Variants in PDE6A observed in about 807,000 individuals in gnomAD.
The protein encoded by PDE6A is rod cGMP-specific 3',5'-cyclic phosphodiesterase subunit alpha.
PDE6A carries 84 observed loss-of-function variants against 106.3 expected under a neutral mutation model. The ratio of observed to expected loss-of-function variants is 0.79; its 90% CI spans 0.66 to 0.95. The LOEUF (loss-of-function observed/expected upper bound fraction) is 0.95, where lower values mean the gene tolerates loss of function less well. Ranked by LOEUF, PDE6A falls within the 40% of genes least tolerant of loss-of-function variation. The probability of loss-of-function intolerance (pLI) is 0.00; values close to 1 mark genes in which losing one functional copy is unlikely to be tolerated. For synonymous variants in PDE6A, 394 were observed against 386.6 expected (o/e 1.02, Z -0.23); for missense variants, 1,052 against 1,084.9 (o/e 0.97, Z 0.43).
At chr5:149,878,426 G>A (rs1356430542) in intron 17 of PDE6A, among the ~76,000 whole-genome samples, 2 of 152,072 alleles carry the variant, frequency 1.3e-5, no homozygotes, top group Non-Finnish European at 2.9e-5. Context: ...CCATTGCTAG[G>A]TATTTCGATT....
chr5:149,860,929 C>G lies in PDE6A; in HGVS notation c.2549G>C (p.Gly850Ala). The G allele has an allele frequency of 6.2e-7, 1 of 1,614,064 alleles. No individual in the cohort carries two copies. Among genetic ancestry groups the G allele is most frequent in the Non-Finnish European group, 8.5e-7 (1 of 1,179,940 alleles). The change falls in exon 22 of 22, where the codon GGT (glycine) becomes GCT (alanine). Residue 850 changes from glycine (G) to alanine (A), a missense_variant. Physicochemically the swap from Gly to Ala is moderately conservative, Grantham distance 60. This residue lies in a region of PDE6A where 135 missense variants were observed against 153.2 expected (regional missense o/e 0.88). Coordinates refer to ENST00000255266, the MANE Select transcript of PDE6A (RefSeq NM_000440.3). ...GCAGCAGGACTTGGATGTAGTTGCA[C>G]CCCCTGGGCTGGGGTTTCCCCCCGG... ...NQPGGNPSPG[G>A]ATTSKSCCIQ
In PDE6A at chr5:149,863,462, G is replaced by A. The variant is rs569021800; in HGVS notation, c.2359-196C>T. ...CACCTGCTTAGAAGCCTCCTGTGGC[G>A]CCCCTGTCCTTCAGCATGAAGTGAA... is the stretch of plus-strand genomic sequence containing the variant. On this transcript the variant is annotated intron_variant, in intron 20 of 21. Coordinates refer to ENST00000255266, the MANE Select transcript of PDE6A (RefSeq NM_000440.3). This position sits in a 1 kb window ranked among gnomAD's most constrained non-coding sequence, Gnocchi z 4.7. Among the ~76,000 whole-genome samples the A allele has an allele frequency of 5.9e-5, 9 of 152,110 alleles. No individual in the cohort carries two copies. Among genetic ancestry groups the A allele is most frequent in the South Asian group, 4.1e-4 (2 of 4,826 alleles).
chr5:149,866,306 C>G, intron 19 of PDE6A, 53 bp from the exon 20 acceptor site: 3 of 1,251,278 alleles, frequency 2.4e-6, no homozygotes. Flanking sequence ...GAAACCTACC[C>G]TATCTATGAA....
intron 3 of PDE6A, chr5:149,932,135 G>A: frequency 5.6e-6 from 7 of 1,241,764 alleles, no homozygotes; most frequent in Non-Finnish European, 8.3e-6. Flanking sequence ...TATTTAGTTT[G>A]ATTATCTGTC....
Position 149,893,224 on chromosome 5 carries a change from G to A in PDE6A, c.1728+1959C>T, listed in dbSNP as rs561123795. The stretch of plus-strand genomic sequence containing the variant: ...ACTGCTCTTGAACTCCATTGGACGC[G>A]ACCATACCAAGTTCTTCTCTACCGC... On this transcript the variant is annotated intron_variant, in intron 13 of 21. Transcript: ENST00000255266. Among the ~76,000 whole-genome samples the A allele has an allele frequency of 3.9e-5, 6 of 152,234 alleles. No homozygotes were observed. In the South Asian group the frequency reaches 8.3e-4, roughly 21 times the overall value.
chr5:149,895,466 C>T lies in PDE6A; in HGVS notation c.1621-176G>A, dbSNP rs987957753. Reference sequence around the variant, plus strand: ...GCTTGTACTAGATGCAATCATGCTGCGAAAGTGCTTTGCAAATACTAAATG... The same window carrying T: ...GCTTGTACTAGATGCAATCATGCTGTGAAAGTGCTTTGCAAATACTAAATG... On this transcript the variant is annotated intron_variant, in intron 12 of 21. Coordinates refer to ENST00000255266, the MANE Select transcript of PDE6A (RefSeq NM_000440.3). 4.6e-5 allele frequency among the ~76,000 whole-genome samples: 7 copies of T among 152,004 alleles called. No individual in the cohort carries two copies. In the South Asian group the frequency reaches 6.2e-4, roughly 14 times the overall value.
At chr5:149,870,786 A>C (rs1015254070) in intron 17 of PDE6A, among the ~76,000 whole-genome samples, 9 of 151,572 alleles carry the variant, frequency 5.9e-5, no homozygotes, top group Non-Finnish European at 8.8e-5. Context: ...AAAAAAAAAA[A>C]AAAAAACTGT....
rs1459802008 is a variant in PDE6A at position 149,921,715 on chromosome 5, A to C, written c.859-6T>G. Reference sequence around the variant, plus strand: ...GGCCACACATCAAAAAATTCCTAGGAATGAGAAAAACAATAATTACATGTT... The same window carrying C: ...GGCCACACATCAAAAAATTCCTAGGCATGAGAAAAACAATAATTACATGTT... On this transcript the variant is annotated splice_region_variant and splice_polypyrimidine_tract_variant and intron_variant, in intron 4 of 21. Transcript: ENST00000255266. 2.5e-6 allele frequency: 4 copies of C among 1,610,868 alleles called. No homozygotes were observed. Among genetic ancestry groups the C allele is most frequent in the Non-Finnish European group, 3.4e-6 (4 of 1,177,118 alleles).
intron 1 of PDE6A, among the ~76,000 whole-genome samples, chr5:149,942,340 A>G (rs1317914511): frequency 6.6e-6 from 1 of 152,022 alleles, no homozygotes; most frequent in Non-Finnish European, 1.5e-5. Context: ...CACAGGTGCA[A>G]TCCCACTACT....
intron 13 of PDE6A, among the ~76,000 whole-genome samples, chr5:149,894,158 A>G (rs761727893): frequency 4.6e-5 from 7 of 152,194 alleles, no homozygotes; most frequent in African/African-American, 1.2e-4. Context: ...AGATTCATGG[A>G]AACACCTAAT....
intron 17 of PDE6A, among the ~76,000 whole-genome samples, chr5:149,872,063 C>T (rs1005839611): frequency 1.3e-5 from 2 of 152,144 alleles, no homozygotes; most frequent in African/African-American, 2.4e-5. Flanking sequence ...GAACCTTATG[C>T]TCTCAGTAGA....
At chr5:149,928,236 T>A (rs1350605761) in intron 4 of PDE6A, among the ~76,000 whole-genome samples, 5 of 78,066 alleles carry the variant, frequency 6.4e-5, no homozygotes, top group African/African-American at 2.5e-4. Flanking sequence ...TATATATTTT[T>A]TTTTTTTTTT....
At chr5:149,920,993 A>G (rs1180069085) in intron 5 of PDE6A, among the ~76,000 whole-genome samples, 1 of 99,194 alleles carries the variant, frequency 1.0e-5, no homozygotes, top group Admixed American at 1.1e-4. Flanking sequence ...AAAGAAAGAA[A>G]GAAAAAGAAA....
rs750090523 is a variant in PDE6A at position 149,883,536 on chromosome 5, C to G, written c.2028G>C (p.Lys676Asn). The G allele has an allele frequency of 6.2e-7, 1 of 1,603,632 alleles. No individual in the cohort carries two copies. The highest frequency in any genetic ancestry group is 8.5e-7 in the Non-Finnish European group (1 of 1,170,780). Residue 676 changes from lysine to asparagine, a missense_variant and splice_region_variant, in exon 17 of 22, where the codon AAG becomes AAC. Physicochemically the swap from Lys to Asn is moderately conservative, Grantham distance 94. Around this residue, in one of 3 missense-constraint regions of PDE6A, gnomAD observed 913 missense variants for 915.2 expected, o/e 1.00. Coordinates refer to ENST00000255266, the MANE Select transcript of PDE6A (RefSeq NM_000440.3). ...CGATCTTTTGGAACATCGTCCTCTTCCTACAAAACATATCAGTCTAGTAAA... is the reference window on the plus strand; with the variant it reads ...CGATCTTTTGGAACATCGTCCTCTTGCTACAAAACATATCAGTCTAGTAAA... ...IIATDLALYF[K>N]KRTMFQKIVD... is the part of the protein sequence containing the mutation.
intron 8 of PDE6A, among the ~76,000 whole-genome samples, chr5:149,902,186 A>G (rs1367062923): frequency 1.3e-5 from 2 of 152,004 alleles, no homozygotes; most frequent in African/African-American, 4.8e-5. Context: ...CTCTCCCTCA[A>G]TTTCTCACTC....
chr5:149,877,845 A>G (rs1760795507), intron 17 of PDE6A, among the ~76,000 whole-genome samples: 1 of 152,224 alleles, frequency 6.6e-6, no homozygotes, highest in African/African-American at 2.4e-5. Context: ...GGATTGCAGG[A>G]TGCAAAACCC....
intron 4 of PDE6A, among the ~76,000 whole-genome samples, chr5:149,927,827 A>AT (rs988567391): frequency 1.3e-5 from 2 of 150,916 alleles, no homozygotes; most frequent in Admixed American, 6.6e-5. Context: ...TTTCTCTTAA[A>AT]TTTTTTTTTC....
intron 11 of PDE6A, 23 bp downstream of exon 11, chr5:149,896,688 C>T (rs777317158): frequency 1.4e-5 from 22 of 1,613,990 alleles, no homozygotes; most frequent in South Asian, 5.5e-5. Flanking sequence ...CATCGGGGCT[C>T]GTGCTGCCCC....
At chr5:149,927,808 C>T (rs1219667177) in intron 4 of PDE6A, among the ~76,000 whole-genome samples, 1 of 151,748 alleles carries the variant, frequency 6.6e-6, no homozygotes, top group Non-Finnish European at 1.5e-5. Flanking sequence ...CTTTATCCTA[C>T]AAGCTTTTTT....
Sources: gnomAD v4.1 joint callset for allele counts (sites outside exome capture counted in the v4.1 genomes callset) on GRCh38, gnomAD v4.1.1 for gene constraint, gnomAD v4.1.1 regional missense constraint, Gnocchi (gnomAD v3.1) non-coding constraint, MANE v1.5 for transcripts, NCBI Gene and HGNC (gene_info 2026-07-23, HGNC 2026-07-21) for gene names.